Variants in RIMS1 observed in about 807,000 individuals in gnomAD.
RIMS1 encodes regulating synaptic membrane exocytosis 1.
A neutral mutation model predicts 214.1 loss-of-function variants in RIMS1; 83 were observed. The observed-to-expected ratio is 0.39, with a 90% CI of 0.32 to 0.47. The LOEUF is 0.47. Among genes scored for constraint, RIMS1 ranks in the 20% least tolerant of loss-of-function variants. The pLI is 0.99. For missense variants in RIMS1, 2,050 were observed against 2,161.8 expected (o/e 0.95, Z 1.03); for synonymous variants, 793 against 786.8 (o/e 1.01, Z -0.13).
intron 15 of RIMS1, 61 bp downstream of exon 15, chr6:72,251,429 T>G: frequency 1.6e-6 from 2 of 1,241,174 alleles, no homozygotes; most frequent in Non-Finnish European, 2.2e-6. Context: ...TAATTAGTGA[T>G]TAATAATTCA....
rs1427979483 is a variant in RIMS1 at position 72,271,279 on chromosome 6, AAAAAAAAATATAT to A, written c.3399-3068_3399-3056del. 1.2e-3 allele frequency among the ~76,000 whole-genome samples: 80 copies of A among 66,850 alleles called. 1 individual carries two copies. Among genetic ancestry groups the A allele is most frequent in the African/African-American group, 3.4e-3 (53 of 15,590 alleles). The allele number at this position is 66,850 out of a possible 152,430, so 43.9% of individuals were successfully genotyped here. ...AGACTCCATCTCAAGGAAAAAAAAAAAAAAAAAATATATATATATATATATATATATATATATG... is the reference window on the plus strand; with the variant it reads ...AGACTCCATCTCAAGGAAAAAAAAAAATATATATATATATATATATATATG... On this transcript the variant is annotated intron_variant, in intron 22 of 33. Transcript: ENST00000521978.
At chr6:71,963,337 G>A (rs752492381) in intron 1 of RIMS1, among the ~76,000 whole-genome samples, 8 of 152,004 alleles carry the variant, frequency 5.3e-5, no homozygotes, top group African/African-American at 1.2e-4. Flanking sequence ...TTTCTTCATC[G>A]GCCAAGTAGG....
chr6:72,029,663 C>T (rs1817543074), intron 2 of RIMS1, among the ~76,000 whole-genome samples: 1 of 152,144 alleles, frequency 6.6e-6, no homozygotes, highest in Non-Finnish European at 1.5e-5. Flanking sequence ...CAGGCTAGGA[C>T]TTTCTGCAAG....
Position 72,389,407 on chromosome 6 carries a change from A to C in RIMS1, c.4367-1191A>C, listed in dbSNP as rs2098666497. Among the ~76,000 whole-genome samples, 3 of 152,202 alleles carry C rather than the reference A, an allele frequency of 2.0e-5. No individual in the cohort carries two copies. In the South Asian group the frequency reaches 6.2e-4, roughly 31 times the overall value. On this transcript the variant is annotated intron_variant, in intron 29 of 33. Transcript: ENST00000521978. Reference sequence around the variant, plus strand: ...CAATAAAAAATAAAAATTTTAATGAACATACTAAATGTGTAGGAAGGATCA... The same window carrying C: ...CAATAAAAAATAAAAATTTTAATGACCATACTAAATGTGTAGGAAGGATCA...
At chr6:72,079,034 A>T (rs2153765780) in intron 2 of RIMS1, among the ~76,000 whole-genome samples, 1 of 152,264 alleles carries the variant, frequency 6.6e-6, no homozygotes, top group South Asian at 2.1e-4. Context: ...GAAAAAGATG[A>T]TTTAAAAAGC....
At chr6:71,989,870 A>G (rs1296088551) in intron 2 of RIMS1, among the ~76,000 whole-genome samples, 1 of 152,124 alleles carries the variant, frequency 6.6e-6, no homozygotes, top group East Asian at 1.9e-4. Flanking sequence ...CTGCTCCTCC[A>G]ACCCCACCTC....
At chr6:72,000,436 A>G (rs553550287) in intron 2 of RIMS1, among the ~76,000 whole-genome samples, 21 of 152,324 alleles carry the variant, frequency 1.4e-4, no homozygotes, top group Admixed American at 1.2e-3. Flanking sequence ...TCTGAGACTT[A>G]GTGTAATGAT....
intron 11 of RIMS1, 68 bp downstream of exon 11, chr6:72,245,929 CT>C: frequency 8.6e-7 from 1 of 1,163,534 alleles, no homozygotes; most frequent in Non-Finnish European, 1.3e-6. Context: ...TTCTAATTTT[CT>C]TTAGTTATTT....
chr6:72,097,380 A>G (rs544077439), intron 3 of RIMS1, among the ~76,000 whole-genome samples: 2 of 152,346 alleles, frequency 1.3e-5, no homozygotes, highest in Admixed American at 1.3e-4. Context: ...TTCTTAATAC[A>G]TGATTCCAAT....
intron 9 of RIMS1, 112 bp downstream of exon 9, chr6:72,238,034 T>A: frequency 1.8e-6 from 1 of 568,478 alleles, no homozygotes; most frequent in Non-Finnish European, 3.1e-6. Context: ...TACATGTATG[T>A]ATGTATATAT....
intron 1 of RIMS1, among the ~76,000 whole-genome samples, chr6:71,933,056 A>G (rs967695801): frequency 1.3e-5 from 2 of 152,162 alleles, no homozygotes; most frequent in Non-Finnish European, 2.9e-5. Context: ...AGTGATTTGT[A>G]CTTCCTATTA....
At chr6:72,320,446 G>A (rs1190083304) in intron 28 of RIMS1, among the ~76,000 whole-genome samples, 1 of 152,042 alleles carries the variant, frequency 6.6e-6, no homozygotes, top group East Asian at 1.9e-4. Flanking sequence ...CAAAATATAT[G>A]GCACAGTAAA....
chr6:72,339,603 A>G (rs1480638224), intron 29 of RIMS1, among the ~76,000 whole-genome samples: 2 of 152,048 alleles, frequency 1.3e-5, no homozygotes, highest in African/African-American at 4.8e-5. Flanking sequence ...GTCCCTACAA[A>G]GGACATGAAC....
At chr6:71,967,968 A>C (rs1302338756) in intron 1 of RIMS1, among the ~76,000 whole-genome samples, 2 of 152,194 alleles carry the variant, frequency 1.3e-5, no homozygotes, top group Non-Finnish European at 2.9e-5. Flanking sequence ...CACTTCTGGA[A>C]TAATATGACT....
At chr6:72,213,548 A>G (rs371882565) in intron 6 of RIMS1, among the ~76,000 whole-genome samples, 289 of 152,330 alleles carry the variant, frequency 1.9e-3, no homozygotes, top group African/African-American at 6.6e-3. Flanking sequence ...ATTAAAAAAA[A>G]ATAGCAGGCT....
chr6:72,233,710 C>A, intron 6 of RIMS1, 63 bp from the exon 7 acceptor site: 1 of 1,201,260 alleles, frequency 8.3e-7, no homozygotes, highest in Non-Finnish European at 1.2e-6. Flanking sequence ...AGAAGTAAAG[C>A]TTAAAGTGAT....
intron 29 of RIMS1, among the ~76,000 whole-genome samples, chr6:72,337,620 A>G (rs1295368434): frequency 6.6e-6 from 1 of 151,442 alleles, no homozygotes; most frequent in Non-Finnish European, 1.5e-5. Flanking sequence ...TTTAAGTTTT[A>G]GGGTACATGT....
chr6:72,190,221 T>C (rs1323119923), intron 6 of RIMS1, among the ~76,000 whole-genome samples: 3 of 152,050 alleles, frequency 2.0e-5, no homozygotes, highest in Non-Finnish European at 2.9e-5. Context: ...CCCAGCACTT[T>C]GGGAGGCCGA....
intron 2 of RIMS1, among the ~76,000 whole-genome samples, chr6:72,006,402 G>A (rs865883075): frequency 2.6e-4 from 40 of 152,186 alleles, no homozygotes; most frequent in African/African-American, 8.0e-4. Context: ...CCCAGCGTGA[G>A]CAACGCAGAA....
Sources: allele counts gnomAD v4.1 joint callset (sites outside exome capture counted in the v4.1 genomes callset), GRCh38; gene constraint gnomAD v4.1.1; transcripts MANE v1.5; gene names NCBI Gene and HGNC (gene_info 2026-07-23, HGNC 2026-07-21).